GLT1D1: variants seen among roughly 807,000 people sequenced by gnomAD.
The protein encoded by GLT1D1 is glycosyltransferase 1 domain containing 1.
GLT1D1 carries 21 observed loss-of-function variants against 28.7 expected under a neutral mutation model. The observed-to-expected ratio is 0.73, with a 90% confidence interval of 0.52 to 1.05. The LOEUF is 1.05. Ranked by LOEUF, GLT1D1 falls within the 50% of genes least tolerant of loss-of-function variation. The probability of loss-of-function intolerance (pLI) is 0.00; values close to 1 mark genes in which losing one functional copy is unlikely to be tolerated. For missense variants in GLT1D1, 343 were observed against 330.6 expected, an observed-to-expected ratio of 1.04 and a Z score of -0.29; for synonymous variants, 147 against 124.8, an observed-to-expected ratio of 1.18 and a Z score of -1.19.
At chr12:128,923,625 G>A (rs993607117) in intron 4 of GLT1D1, among the ~76,000 whole-genome samples, 15 of 151,880 alleles carry the variant, frequency 9.9e-5, no homozygotes, top group African/African-American at 1.2e-4. Flanking sequence ...GGGTTTAAGC[G>A]ATTATCCTGC....
At chr12:128,874,653 A>C (rs1956830405) in intron 1 of GLT1D1, among the ~76,000 whole-genome samples, 1 of 151,262 alleles carries the variant, frequency 6.6e-6, no homozygotes, top group Non-Finnish European at 1.5e-5. Flanking sequence ...AGTGCATTAA[A>C]AAATATTTTT....
intron 4 of GLT1D1, 106 bp downstream of exon 7, chr12:128,926,560 C>T: frequency 1.6e-6 from 1 of 626,678 alleles, no homozygotes; most frequent in Non-Finnish European, 2.8e-6. Context: ...TCATTCTTTG[C>T]ACGTGAGCAG....
chr12:128,909,207 C>A (rs1261108436), intron 4 of GLT1D1, among the ~76,000 whole-genome samples: 2 of 149,560 alleles, frequency 1.3e-5, no homozygotes, highest in East Asian at 4.0e-4. Flanking sequence ...TAAAGTACTT[C>A]CTAGTAAAAA....
rs937554337 is a variant in GLT1D1 at position 128,934,294 on chromosome 12, C to G, written c.376-11032C>G. Among the ~76,000 whole-genome samples the G allele has an allele frequency of 5.9e-5, 9 of 151,412 alleles. No individual in the cohort carries two copies. The East Asian group carries it at 1.7e-3, about 29-fold the overall frequency. ...TCTCGGCTCACTGCAACCTCCACCC[C>G]CTGGGTTCAAACGATTCTCCTTCCA... On this transcript the variant is annotated intron_variant, in intron 4 of 7. Coordinates refer to ENST00000281703, the MANE Select transcript of GLT1D1 (RefSeq NM_144669.3).
At chr12:128,931,010 T>C (rs930813734) in intron 4 of GLT1D1, among the ~76,000 whole-genome samples, 4 of 151,704 alleles carry the variant, frequency 2.6e-5, no homozygotes, top group Non-Finnish European at 5.9e-5. Flanking sequence ...TTTTTTTTTT[T>C]TTTTAAAATG....
chr12:128,962,260 A>G (rs1463686008), intron 7 of GLT1D1, among the ~76,000 whole-genome samples: 1 of 152,252 alleles, frequency 6.6e-6, no homozygotes, highest in Non-Finnish European at 1.5e-5. Flanking sequence ...TGGGGCAGTC[A>G]ACTGTTCTCC....
intron 1 of GLT1D1, 84 bp from the exon 2 acceptor site, chr12:128,875,830 A>G: frequency 7.6e-7 from 1 of 1,314,502 alleles, no homozygotes; most frequent in Non-Finnish European, 1.0e-6. Context: ...ACCAAAAAAA[A>G]AAAAAGTCTT....
rs749750129 is a variant in GLT1D1 at position 128,853,655 on chromosome 12, T to G, written c.68+6T>G. ...GTCACGGCCCAGCGCGTTCGGTAGG[T>G]GCAGGGCGCCGGGGCCTACGAAGCC... On this transcript the variant is annotated splice_donor_region_variant and intron_variant, in intron 1 of 7. Coordinates refer to ENST00000281703, the MANE Select transcript of GLT1D1 (RefSeq NM_144669.3). 8.9e-7 allele frequency: 1 copy of G among 1,124,544 alleles called. No individual in the cohort carries two copies. The highest frequency in any genetic ancestry group is 3.1e-5 in the South Asian group (1 of 31,920). 69.7% of individuals were successfully genotyped at this position (1,124,544 alleles called of 1,614,324 possible). A position where few individuals can be genotyped will look rare whatever the true frequency, so the allele number is the denominator to read the frequency against.
chr12:128,898,143 TTCTTCC>T (rs1166827123), intron 3 of GLT1D1, among the ~76,000 whole-genome samples: 1 of 152,070 alleles, frequency 6.6e-6, no homozygotes. Context: ...CCTCTTCCTC[TTCTTCC>T]TCCTCCTCCT....
chr12:128,895,223 T>C (rs939660401), intron 3 of GLT1D1, among the ~76,000 whole-genome samples: 6 of 152,186 alleles, frequency 3.9e-5, no homozygotes, highest in Non-Finnish European at 8.8e-5. Context: ...GCTTATTGCT[T>C]ACTCAGTGTC....
intron 1 of GLT1D1, among the ~76,000 whole-genome samples, chr12:128,873,331 A>T (rs1956746748): frequency 1.3e-5 from 2 of 152,206 alleles, no homozygotes; most frequent in South Asian, 4.1e-4. Context: ...GAATCTTGGA[A>T]TTCATTCTTA....
At chr12:128,945,224 C>T (rs1875904463) in intron 4 of GLT1D1, 102 bp from the exon 9 acceptor site, 7 of 1,216,488 alleles carry the variant, frequency 5.8e-6, no homozygotes, top group East Asian at 2.3e-5. Flanking sequence ...GACCGAGGCC[C>T]ACGCCGCGCT....
At chr12:128,921,870 C>G (rs1451335851) in intron 4 of GLT1D1, among the ~76,000 whole-genome samples, 1 of 152,038 alleles carries the variant, frequency 6.6e-6, no homozygotes, top group Non-Finnish European at 1.5e-5. Flanking sequence ...GCTTTCAATA[C>G]CATCTCTGGA....
chr12:128,857,749 TAGG>T (rs1268661117), intron 1 of GLT1D1, among the ~76,000 whole-genome samples: 1 of 152,080 alleles, frequency 6.6e-6, no homozygotes, highest in African/African-American at 2.4e-5. Context: ...CCTGGCAGAA[TAGG>T]AGGTCAGAAT....
intron 4 of GLT1D1, among the ~76,000 whole-genome samples, chr12:128,928,041 AAAAAG>A (rs1483594797): frequency 2.0e-5 from 3 of 151,430 alleles, no homozygotes; most frequent in African/African-American, 7.3e-5. Flanking sequence ...AAGAATAGAA[AAAAAG>A]AAAAGAAATA....
intron 2 of GLT1D1, among the ~76,000 whole-genome samples, chr12:128,878,379 A>G (rs1335643245): frequency 6.6e-6 from 1 of 152,210 alleles, no homozygotes; most frequent in Non-Finnish European, 1.5e-5. Flanking sequence ...AGTCTTCAAT[A>G]AATAAATGTT....
At chr12:128,908,317 A>ATTTTCCTT (rs1158815826) in intron 4 of GLT1D1, among the ~76,000 whole-genome samples, 2 of 130,446 alleles carry the variant, frequency 1.5e-5, no homozygotes, top group African/African-American at 5.7e-5. Flanking sequence ...ATTTTCTTTT[A>ATTTTCCTT]CTTTCCTTCT....
chr12:128,856,651 A>G lies in GLT1D1; in HGVS notation c.68+3002A>G, dbSNP rs73151596. On this transcript the variant is annotated intron_variant, in intron 1 of 7. Transcript: ENST00000281703. ...GAAAGGCAGCCAGGGTCACTGGACT[A>G]TAGAGAGTTTGGGGCCAGTGCTAGG... 2.7e-3 allele frequency among the ~76,000 whole-genome samples: 416 copies of G among 152,316 alleles called. 6 individuals are homozygous for G. The South Asian group carries it at 0.039, about 14-fold the overall frequency.
chr12:128,909,204 C>A (rs1242410473), intron 4 of GLT1D1, among the ~76,000 whole-genome samples: 1 of 150,950 alleles, frequency 6.6e-6, no homozygotes, highest in African/African-American at 2.4e-5. Context: ...GATTAAAGTA[C>A]TTCCTAGTAA....
Sources: gnomAD v4.1 joint callset for allele counts (sites outside exome capture counted in the v4.1 genomes callset) on GRCh38, gnomAD v4.1.1 for gene constraint, MANE v1.5 for transcripts, NCBI Gene and HGNC (gene_info 2026-07-23, HGNC 2026-07-21) for gene names.